Variants in ZSCAN18 observed in about 807,000 individuals in gnomAD.
The protein encoded by ZSCAN18 is zinc finger and SCAN domain containing 18.
In ZSCAN18, 16 loss-of-function variants were observed where a neutral mutation model predicts 31.1. The observed-to-expected ratio is 0.51, with a 90% CI of 0.35 to 0.78. The LOEUF (loss-of-function observed/expected upper bound fraction) is 0.78. Ranked by LOEUF, ZSCAN18 falls within the 30% of genes least tolerant of loss-of-function variation. The pLI is 0.01. For synonymous variants in ZSCAN18, 375 were observed against 320.7 expected, an observed-to-expected ratio of 1.17 and a Z score of -1.81; for missense variants, 731 against 697.4, an observed-to-expected ratio of 1.05 and a Z score of -0.54.
intron 1 of ZSCAN18, among the ~76,000 whole-genome samples, chr19:58,111,401 C>T: frequency 6.6e-6 from 1 of 152,092 alleles, no homozygotes. Flanking sequence ...GGCAGGAATG[C>T]GGTGGTGTGA....
upstream of ZSCAN18, among the ~76,000 whole-genome samples, chr19:58,100,182 C>T (rs1386197335): frequency 6.6e-6 from 1 of 151,894 alleles, no homozygotes; most frequent in Non-Finnish European, 1.5e-5. Flanking sequence ...CTCAGACCCC[C>T]GGGCTCAAGC....
chr19:58,107,145 A>G (rs932330618), intron 1 of ZSCAN18, among the ~76,000 whole-genome samples: 2 of 152,190 alleles, frequency 1.3e-5, no homozygotes, highest in Admixed American at 1.3e-4. Flanking sequence ...ATGTTGTGTT[A>G]GCAGGTGTGA....
Position 58,090,411 on chromosome 19 carries a change from T to C in ZSCAN18, c.-119-25A>G. ...CCTGCAGAGGACACGGACAAGGCAA[T>C]GGCCTTGCATAAGGCCAGGGCGCAG... On this transcript the variant is annotated intron_variant, in intron 1 of 6. Coordinates refer to ENST00000601144, the MANE Select transcript of ZSCAN18 (RefSeq NM_001145543.2). This position sits in a 1 kb window ranked among gnomAD's most constrained non-coding sequence, Gnocchi z 4.7. The C allele has an allele frequency of 4.0e-6, 6 of 1,489,284 alleles. No individual in the cohort carries two copies. Among genetic ancestry groups the C allele is most frequent in the Middle Eastern group, 1.8e-4 (1 of 5,616 alleles). 92.3% of individuals were successfully genotyped at this position (1,489,284 alleles called of 1,614,324 possible).
intron 1 of ZSCAN18, chr19:58,092,748 T>C (rs1341591294): frequency 4.1e-6 from 4 of 978,508 alleles, no homozygotes; most frequent in Non-Finnish European, 4.8e-6. Flanking sequence ...CGTGCCATCA[T>C]CACCACCACC....
At chr19:58,088,088 C>T (rs2074321032) in intron 3 of ZSCAN18, 3 of 153,698 alleles carry the variant, frequency 2.0e-5, no homozygotes, top group African/African-American at 7.2e-5. Flanking sequence ...ACTCACACAC[C>T]ACTTGCCCAG....
At chr19:58,115,909 T>A (rs2074725773) in intron 1 of ZSCAN18, among the ~76,000 whole-genome samples, 1 of 151,834 alleles carries the variant, frequency 6.6e-6, no homozygotes, top group Non-Finnish European at 1.5e-5. Flanking sequence ...TCAACTTGCC[T>A]CCCTAAAGCA....
upstream of ZSCAN18, chr19:58,098,491 GAGA>G: frequency 1.7e-6 from 1 of 585,212 alleles, no homozygotes; most frequent in African/African-American, 2.0e-5. Context: ...CAAAGACGGT[GAGA>G]AACGGAGAAA....
At chr19:58,110,430 G>C (rs992441220) in intron 1 of ZSCAN18, among the ~76,000 whole-genome samples, 20 of 151,956 alleles carry the variant, frequency 1.3e-4, no homozygotes, top group African/African-American at 4.6e-4. Context: ...ATCCAGACAT[G>C]CATACTGGAC....
At chr19:58,116,638 C>T (rs1354250203) in intron 1 of ZSCAN18, among the ~76,000 whole-genome samples, 2 of 152,140 alleles carry the variant, frequency 1.3e-5, no homozygotes, top group East Asian at 3.9e-4. Context: ...GAAGCTAGGG[C>T]ACGGAATTTC....
upstream of ZSCAN18, chr19:58,098,413 G>A (rs997879533): frequency 1.0e-6 from 1 of 981,254 alleles, no homozygotes. Flanking sequence ...CGTCATTTTG[G>A]GCACCATGGC....
rs2074635172 is a variant in ZSCAN18, at chr19:58,106,492, GGAGATC to G, written c.130+11769_130+11774del. On this transcript the variant is annotated intron_variant, in intron 1 of 1. Coordinates refer to the ZSCAN18 transcript ENST00000595721. Reference sequence around the variant, plus strand: ...CCGAGGCGGGCGGATCACGAGGTCAGGAGATCGAGACCATCCCGGCTAAAACGGTGA... The same window carrying G: ...CCGAGGCGGGCGGATCACGAGGTCAGGAGACCATCCCGGCTAAAACGGTGA... Among the ~76,000 whole-genome samples, 4 of 14,786 alleles carry G rather than the reference GGAGATC, an allele frequency of 2.7e-4. 2 individuals carry two copies. The allele number at this position is 14,786 out of a possible 152,430, so 9.7% of individuals were successfully genotyped here.
chr19:58,118,041 C>T (rs911528657), intron 1 of ZSCAN18, among the ~76,000 whole-genome samples: 1 of 152,048 alleles, frequency 6.6e-6, no homozygotes, highest in African/African-American at 2.4e-5. Flanking sequence ...GGTCCGCGCC[C>T]GGCGAGGAGA....
upstream of ZSCAN18, among the ~76,000 whole-genome samples, chr19:58,102,276 G>A (rs1600002051): frequency 4.6e-5 from 7 of 152,130 alleles, no homozygotes; most frequent in African/African-American, 1.7e-4. Flanking sequence ...GGCTAACACG[G>A]TGAAACCCTG....
At chr19:58,100,517 GGT>G (rs2074584577), upstream of ZSCAN18, among the ~76,000 whole-genome samples, 1 of 152,084 alleles carries the variant, frequency 6.6e-6, no homozygotes, top group Non-Finnish European at 1.5e-5. Flanking sequence ...CATAAACTCA[GGT>G]GTGGTCGAAA....
chr19:58,104,542 T>C (rs1434011227), intron 1 of ZSCAN18, among the ~76,000 whole-genome samples: 7 of 148,710 alleles, frequency 4.7e-5, no homozygotes, highest in Admixed American at 2.0e-4. Context: ...CTGCTAAAAA[T>C]ACAAAAAAAA....
rs781401678 is a variant in ZSCAN18 at position 58,084,725 on chromosome 19, T to C, written c.1493A>G (p.Glu498Gly). ...ARAGGPPESV[E>G]GEAPPAPPEA... ...TGGGGGTGCGGGGGGAGCCTCGCCC[T>C]CCACGCTCTCTGGGGGACCGCCCGC... is the stretch of plus-strand genomic sequence containing the variant. The change falls in exon 7 of 7, where the codon GAG (glutamate) becomes GGG (glycine). Residue 498 changes from glutamate (E) to glycine (G), a missense_variant. Glu to Gly is a moderately conservative substitution (Grantham distance 98). Around this residue, in one of 4 missense-constraint regions of ZSCAN18, gnomAD observed 597 missense variants for 499.5 expected, o/e 1.20. Coordinates refer to ENST00000601144, the MANE Select transcript of ZSCAN18 (RefSeq NM_001145543.2). The surrounding 1 kb of genome is among the most constrained non-coding windows in gnomAD (Gnocchi z 4.5). 1.4e-5 allele frequency: 21 copies of C among 1,526,594 alleles called. No individual in the cohort carries two copies. The highest frequency in any genetic ancestry group is 8.7e-6 in the Non-Finnish European group (10 of 1,146,946). 94.6% of individuals were successfully genotyped at this position (1,526,594 alleles called of 1,614,324 possible).
At position 58,107,835 on chromosome 19, in the gene ZSCAN18, C is replaced by T. The variant is rs1054397178; in HGVS notation, c.130+10432G>A. The T allele has an allele frequency of 1.9e-5, 19 of 1,014,284 alleles. No homozygotes were observed. In the African/African-American group the frequency reaches 3.3e-4, roughly 17 times the overall value. 62.8% of individuals were successfully genotyped at this position (1,014,284 alleles called of 1,614,324 possible). On this transcript the variant is annotated intron_variant, in intron 1 of 1. Coordinates refer to the ZSCAN18 transcript ENST00000595721. ...TGGGAAAACTTTCCCACACTAGACA[C>T]ACTGGCACAAGGTCGCCTGAGCATG...
chr19:58,102,244 G>A (rs1049702709), upstream of ZSCAN18, among the ~76,000 whole-genome samples: 2 of 151,950 alleles, frequency 1.3e-5, no homozygotes, highest in Non-Finnish European at 2.9e-5. Context: ...TGCTCACGAG[G>A]TCAGGAGATT....
At chr19:58,097,688 C>G (rs2074545493) in intron 1 of ZSCAN18, among the ~76,000 whole-genome samples, 1 of 147,676 alleles carries the variant, frequency 6.8e-6, no homozygotes, top group Admixed American at 6.7e-5. Flanking sequence ...CCACTTCCTC[C>G]CCTCCTCTTC....
Sources: allele counts gnomAD v4.1 joint callset (sites outside exome capture counted in the v4.1 genomes callset), GRCh38; gene constraint gnomAD v4.1.1; regional missense constraint gnomAD v4.1.1; non-coding constraint Gnocchi (gnomAD v3.1); transcripts MANE v1.5; gene names NCBI Gene and HGNC (gene_info 2026-07-23, HGNC 2026-07-21).